SCAF11: variants seen among roughly 807,000 people sequenced by gnomAD.
SCAF11 encodes protein SCAF11.
Under a neutral mutation model 140.5 loss-of-function variants are expected in SCAF11, and 47 were observed. The observed-to-expected ratio is 0.33, with a 90% confidence interval of 0.26 to 0.43. SCAF11 has a LOEUF of 0.43. SCAF11 is among the 20% of genes least tolerant of loss of function. The probability of loss-of-function intolerance (pLI) is 1.00; values close to 1 mark genes in which losing one functional copy is unlikely to be tolerated. For missense variants in SCAF11, 1,645 were observed against 1,705.1 expected (o/e 0.96, Z 0.62); for synonymous variants, 557 against 579.4 (o/e 0.96, Z 0.55).
chr12:45,930,561 C>G (rs1439435624), intron 10 of SCAF11, among the ~76,000 whole-genome samples: 2 of 150,484 alleles, frequency 1.3e-5, no homozygotes, highest in Admixed American at 6.7e-5. Context: ...ATTCACAACA[C>G]TTGAGTACAC....
chr12:45,931,268 C>T, intron 10 of SCAF11: 1 of 244,026 alleles, frequency 4.1e-6, no homozygotes, highest in Non-Finnish European at 7.9e-6. Flanking sequence ...GAATAATATT[C>T]CATTGTGTGT....
At chr12:45,956,215 T>C in intron 3 of SCAF11, 1 of 713,454 alleles carries the variant, frequency 1.4e-6, no homozygotes, top group Non-Finnish European at 2.6e-6. Context: ...GAAACAAGTG[T>C]TAAGACAAGT....
At chr12:45,948,663 C>A in intron 4 of SCAF11, 126 bp from the exon 5 acceptor site, 2 of 622,444 alleles carry the variant, frequency 3.2e-6, no homozygotes, top group South Asian at 2.0e-5. Flanking sequence ...AGTCCAAATA[C>A]ATATGCTTAT....
intron 3 of SCAF11, among the ~76,000 whole-genome samples, chr12:45,954,569 CTTTT>C (rs36060348): frequency 5.4e-5 from 7 of 129,144 alleles, no homozygotes; most frequent in Non-Finnish European, 8.4e-5. Flanking sequence ...TAAGCTGTTA[CTTTT>C]TTTTTTTTTT....
chr12:45,964,082 A>C, intron 2 of SCAF11, 25 bp downstream of exon 2: 1 of 1,263,554 alleles, frequency 7.9e-7, no homozygotes. Context: ...TTCAACAAAC[A>C]AACTTTATAA....
chr12:45,972,895 TATATATATATATAG>T (rs1946117995), intron 1 of SCAF11, among the ~76,000 whole-genome samples: 2 of 32,912 alleles, frequency 6.1e-5, no homozygotes, highest in South Asian at 1.1e-3. Flanking sequence ...TATATATAGA[TATATATATATATAG>T]ATATATATAT....
intron 1 of SCAF11, among the ~76,000 whole-genome samples, chr12:45,967,231 C>A (rs1565685585): frequency 6.7e-6 from 1 of 150,132 alleles, no homozygotes; most frequent in East Asian, 2.0e-4. Flanking sequence ...AAAAAAAAAA[C>A]AACCTACAAT....
intron 6 of SCAF11, among the ~76,000 whole-genome samples, chr12:45,940,484 T>C (rs940509039): frequency 6.6e-6 from 1 of 152,194 alleles, no homozygotes; most frequent in Admixed American, 6.5e-5. Context: ...GAAAGTGGCA[T>C]TGGATATAGA....
chr12:45,958,013 C>A (rs149514400), intron 3 of SCAF11, among the ~76,000 whole-genome samples: 1 of 152,028 alleles, frequency 6.6e-6, no homozygotes, highest in East Asian at 1.9e-4. Context: ...CAACCTCCCC[C>A]CATCAGCTTC....
chr12:45,926,790 C>G lies in SCAF11; in HGVS notation c.2911G>C (p.Ala971Pro). 1 of 1,614,118 alleles carries G rather than the reference C, an allele frequency of 6.2e-7. No individual in the cohort carries two copies. The highest frequency in any genetic ancestry group is 8.5e-7 in the Non-Finnish European group (1 of 1,180,018). Residue 971 changes from alanine to proline, a missense_variant, in exon 11 of 15, where the codon GCA becomes CCA. By Grantham distance (27) the Ala-to-Pro change is conservative. Transcript: ENST00000369367. ...SYSPRWKGRWANDGWRCPRGN... is the reference protein window; with the variant it reads ...SYSPRWKGRWPNDGWRCPRGN... Reference sequence around the variant, plus strand: ...CGTGGACATCTCCAACCATCATTTGCCCATCTTCCCTTCCACCGGGGAGAG... The same window carrying G: ...CGTGGACATCTCCAACCATCATTTGGCCATCTTCCCTTCCACCGGGGAGAG...
In SCAF11 at chr12:45,933,184, C is replaced by T; in HGVS notation, c.681G>A (p.Lys227=). 1.9e-6 allele frequency: 3 copies of T among 1,611,894 alleles called. No homozygotes were observed. Among genetic ancestry groups the T allele is most frequent in the Non-Finnish European group, 2.5e-6 (3 of 1,179,148 alleles). ...ASEISALIRQ[K]RHELELSWFP... ...ACCATGACAATTCCAGTTCATGTCT[C>T]TTCTGCCTAATCAATGCACTGATTT... The change falls in exon 9 of 15, where the codon AAG becomes AAA. Residue 227 remains lysine (K), a synonymous_variant. Transcript: ENST00000369367.
At chr12:45,972,673 A>C (rs1404795801) in intron 1 of SCAF11, among the ~76,000 whole-genome samples, 2 of 149,920 alleles carry the variant, frequency 1.3e-5, no homozygotes, top group Non-Finnish European at 3.0e-5. Context: ...AAAGTTTTGT[A>C]ACATAATATT....
At chr12:45,976,249 G>A (rs1255768355) in intron 1 of SCAF11, among the ~76,000 whole-genome samples, 1 of 152,094 alleles carries the variant, frequency 6.6e-6, no homozygotes, top group Non-Finnish European at 1.5e-5. Context: ...AATTCTTAGA[G>A]CTACCACTAA....
At position 45,924,772 on chromosome 12, in the gene SCAF11, G is replaced by C. The variant is rs990778395; in HGVS notation, c.3862C>G (p.Gln1288Glu). The change falls in exon 12 of 15, where the codon CAA (glutamine) becomes GAA (glutamate). Residue 1288 changes from glutamine (Q) to glutamate (E), a missense_variant. By Grantham distance (29) the Gln-to-Glu change is conservative (BLOSUM62 2). Coordinates refer to ENST00000369367, the MANE Select transcript of SCAF11 (RefSeq NM_004719.3). ...PPPPPPPPSQ[Q>E]VNYIASQPDG... ...GGTTGTGAAGCAATGTAGTTGACTT[G>C]TTGGGATGGTGGGGGAGGGGGTGGT... 2 of 1,516,640 alleles carry C rather than the reference G, an allele frequency of 1.3e-6. No homozygotes were observed. The highest frequency in any genetic ancestry group is 1.4e-5 in the African/African-American group (1 of 72,162). 93.9% of individuals were successfully genotyped at this position (1,516,640 alleles called of 1,614,324 possible).
chr12:45,928,936 C>T (rs1692851598), intron 10 of SCAF11, 77 bp from the exon 11 acceptor site: 1 of 864,628 alleles, frequency 1.2e-6, no homozygotes, highest in Non-Finnish European at 1.6e-6. Flanking sequence ...CTAATTTTAG[C>T]ATAAAATAGT....
At chr12:45,986,814 T>G (rs909857174) in intron 1 of SCAF11, among the ~76,000 whole-genome samples, 1 of 152,158 alleles carries the variant, frequency 6.6e-6, no homozygotes, top group Non-Finnish European at 1.5e-5. Context: ...CTTTTGCATC[T>G]TCCTCATTTT....
intron 3 of SCAF11, among the ~76,000 whole-genome samples, chr12:45,953,402 A>G (rs1945596498): frequency 1.3e-5 from 2 of 152,146 alleles, no homozygotes; most frequent in South Asian, 2.1e-4. Context: ...AATCTGGCTG[A>G]GCATGGTGGT....
intron 10 of SCAF11, chr12:45,929,436 G>T (rs1211001992): frequency 6.6e-6 from 1 of 152,252 alleles, no homozygotes; most frequent in Non-Finnish European, 1.5e-5. Flanking sequence ...GGGAATACAG[G>T]CGTGAGCTAC....
chr12:45,955,204 G>A (rs1945656618), intron 3 of SCAF11: 1 of 151,912 alleles, frequency 6.6e-6, no homozygotes, highest in Admixed American at 6.6e-5. Context: ...CTCTTGCCCA[G>A]GCTGTAGTGC....
Sources: allele counts gnomAD v4.1 joint callset (sites outside exome capture counted in the v4.1 genomes callset), GRCh38; gene constraint gnomAD v4.1.1; transcripts MANE v1.5; gene names NCBI Gene and HGNC (gene_info 2026-07-23, HGNC 2026-07-21).